Variants in SAXO1 observed in about 807,000 individuals in gnomAD.
SAXO1 encodes the protein stabilizer of axonemal microtubules 1.
In SAXO1, 21 loss-of-function variants were observed where a neutral mutation model predicts 17.5. The ratio of observed to expected loss-of-function variants is 1.20; its 90% confidence interval spans 0.85 to 1.72. SAXO1 has a LOEUF of 1.72. Among genes scored for constraint, SAXO1 ranks in the 40% most tolerant of loss-of-function variants. SAXO1 has a pLI of 0.00. For missense variants in SAXO1, 843 were observed against 596.0 expected (o/e 1.41, Z -4.32); for synonymous variants, 274 against 216.5 (o/e 1.27, Z -2.33).
In SAXO1 at chr9:18,933,768, C is replaced by T. The variant is rs371257275; in HGVS notation, c.422-4713G>A. ...GCCATTAATAATGTCATTTTTGGGCCGGGCACGGTGGCTCACGCCTGTAAT... is the reference window on the plus strand; with the variant it reads ...GCCATTAATAATGTCATTTTTGGGCTGGGCACGGTGGCTCACGCCTGTAAT... On this transcript the variant is annotated intron_variant, in intron 3 of 3. Transcript: ENST00000380534. Among the ~76,000 whole-genome samples, 40 of 152,228 alleles carry T rather than the reference C, an allele frequency of 2.6e-4. No homozygotes were observed. The South Asian group carries it at 6.4e-3, about 24-fold the overall frequency.
intron 1 of SAXO1, among the ~76,000 whole-genome samples, chr9:19,004,153 T>A (rs1273038161): frequency 6.6e-6 from 1 of 152,190 alleles, no homozygotes; most frequent in Non-Finnish European, 1.5e-5. Context: ...TCACTGGTCA[T>A]TAGAGAAATG....
At chr9:18,961,165 C>G (rs1563945568) in intron 1 of SAXO1, among the ~76,000 whole-genome samples, 1 of 144,276 alleles carries the variant, frequency 6.9e-6, no homozygotes, top group African/African-American at 2.9e-5. Flanking sequence ...CTTTGAAATT[C>G]TTTCTTTTTT....
chr9:19,022,670 T>C (rs999802524), intron 1 of SAXO1, among the ~76,000 whole-genome samples: 4 of 152,196 alleles, frequency 2.6e-5, no homozygotes, highest in African/African-American at 9.7e-5. Context: ...GGGAGAAACT[T>C]AACTGATTTT....
At chr9:19,019,920 C>T (rs56254400) in intron 1 of SAXO1, among the ~76,000 whole-genome samples, 35 of 151,552 alleles carry the variant, frequency 2.3e-4, no homozygotes, top group Admixed American at 1.8e-3. Flanking sequence ...TCAAATACTA[C>T]GTTATTATCC....
chr9:19,014,067 C>A (rs1033926575), intron 1 of SAXO1, among the ~76,000 whole-genome samples: 1 of 152,030 alleles, frequency 6.6e-6, no homozygotes, highest in Non-Finnish European at 1.5e-5. Flanking sequence ...GAGCCTGGAA[C>A]ACAGGCAGCA....
chr9:18,949,390 G>A (rs1051917827), intron 2 of SAXO1, among the ~76,000 whole-genome samples: 3 of 151,976 alleles, frequency 2.0e-5, no homozygotes, highest in Non-Finnish European at 2.9e-5. Context: ...CCAGAAATTC[G>A]AGGCTGCACT....
At chr9:18,987,909 A>AG (rs1563963857) in intron 1 of SAXO1, among the ~76,000 whole-genome samples, 1 of 145,308 alleles carries the variant, frequency 6.9e-6, no homozygotes. Flanking sequence ...AAAAAAAAAA[A>AG]GAAAAAAAGA....
At chr9:19,019,577 A>T (rs149794878) in intron 1 of SAXO1, among the ~76,000 whole-genome samples, 15 of 152,186 alleles carry the variant, frequency 9.9e-5, no homozygotes, top group Non-Finnish European at 1.8e-4. Context: ...AAAACTACAA[A>T]AATTACCCAG....
intron 1 of SAXO1, among the ~76,000 whole-genome samples, chr9:19,005,482 G>T (rs1377917487): frequency 1.3e-5 from 2 of 152,224 alleles, no homozygotes; most frequent in East Asian, 3.9e-4. Flanking sequence ...TCACATATAT[G>T]GTTAAGTGAG....
chr9:18,972,691 G>A (rs554764220), intron 1 of SAXO1, among the ~76,000 whole-genome samples: 1 of 152,280 alleles, frequency 6.6e-6, no homozygotes, highest in Admixed American at 6.5e-5. Context: ...CAACTCTTAG[G>A]CTCTAAGAAG....
At chr9:18,959,847 G>T (rs1453379448) in intron 1 of SAXO1, among the ~76,000 whole-genome samples, 1 of 152,122 alleles carries the variant, frequency 6.6e-6, no homozygotes, top group Non-Finnish European at 1.5e-5. Context: ...TTAAAGAGCT[G>T]CAGGCTTGAT....
chr9:18,981,940 A>G (rs924268460), intron 1 of SAXO1, among the ~76,000 whole-genome samples: 3 of 152,178 alleles, frequency 2.0e-5, no homozygotes, highest in Admixed American at 6.5e-5. Context: ...TGCAGCCTGG[A>G]TGAGCCGGAC....
intron 1 of SAXO1, among the ~76,000 whole-genome samples, chr9:19,018,744 G>A (rs1835101276): frequency 6.6e-6 from 1 of 152,228 alleles, no homozygotes; most frequent in South Asian, 2.1e-4. Context: ...GGCAGATTCA[G>A]TAGGAGCAGT....
At chr9:19,027,014 T>G (rs560565871) in intron 1 of SAXO1, 1 of 857,334 alleles carries the variant, frequency 1.2e-6, no homozygotes, top group East Asian at 2.5e-5. Context: ...TCATGAAGAG[T>G]TAACTGTTGA....
Position 18,965,180 on chromosome 9 carries a change from G to A in SAXO1, c.39-14243C>T, listed in dbSNP as rs2131772867. Among the ~76,000 whole-genome samples, 2 of 152,250 alleles carry A rather than the reference G, an allele frequency of 1.3e-5. 1 individual carries two copies. Among genetic ancestry groups the A allele is most frequent in the East Asian group, 3.9e-4 (2 of 5,184 alleles). On this transcript the variant is annotated intron_variant, in intron 1 of 3. Coordinates refer to ENST00000380534, the MANE Select transcript of SAXO1 (RefSeq NM_153707.4). ...TGAGAAGTGTTTTACTTCCAATTAT[G>A]TGGTCAATTTTAGAATAAGTGTGAT...
Position 18,944,235 on chromosome 9 carries a change from G to T in SAXO1, c.219-2396C>A, listed in dbSNP as rs559096101. Among the ~76,000 whole-genome samples, 3 of 152,294 alleles carry T rather than the reference G, an allele frequency of 2.0e-5. No homozygotes were observed. The East Asian group carries it at 5.8e-4, about 29-fold the overall frequency. ...GGGAAGCGGTATCTACTTCTGAAGA[G>T]AAGAAAAATTTTAAAGTTTGACTTT... On this transcript the variant is annotated intron_variant, in intron 2 of 3. Coordinates refer to ENST00000380534, the MANE Select transcript of SAXO1 (RefSeq NM_153707.4).
rs141057756 is a variant in SAXO1 at position 18,928,282 on chromosome 9, T to A, written c.1195A>T (p.Asn399Tyr). The change falls in exon 4 of 4, where the codon AAT (asparagine) becomes TAT (tyrosine). Residue 399 changes from asparagine (N) to tyrosine (Y), a missense_variant. Coordinates refer to ENST00000380534, the MANE Select transcript of SAXO1 (RefSeq NM_153707.4). The stretch of plus-strand genomic sequence containing the variant: ...GTGGTCTGGCTTTCCACAGGGACAT[T>A]TCCTCGAGGGCCAGACCAATGAGGC... ...CKPHWSGPRG[N>Y]VPVESQTTYT... The A allele has an allele frequency of 1.1e-5, 18 of 1,612,650 alleles. No homozygotes were observed. The African/African-American group carries it at 1.7e-4, about 16-fold the overall frequency.
At chr9:18,973,456 C>T (rs894808582) in intron 1 of SAXO1, among the ~76,000 whole-genome samples, 2 of 152,240 alleles carry the variant, frequency 1.3e-5, no homozygotes, top group Admixed American at 1.3e-4. Flanking sequence ...GAATGATTTT[C>T]TCTAGAGCGT....
At chr9:18,933,813 A>G (rs997654488) in intron 3 of SAXO1, among the ~76,000 whole-genome samples, 4 of 152,168 alleles carry the variant, frequency 2.6e-5, no homozygotes, top group African/African-American at 4.8e-5. Flanking sequence ...TTGGGAGGCC[A>G]AGGTGGGCTG....
Sources: gnomAD v4.1 joint callset for allele counts (sites outside exome capture counted in the v4.1 genomes callset) on GRCh38, gnomAD v4.1.1 for gene constraint, MANE v1.5 for transcripts, NCBI Gene and HGNC (gene_info 2026-07-23, HGNC 2026-07-21) for gene names.